Variants in CDH13 observed in about 807,000 individuals in gnomAD.
CDH13 encodes cadherin-13.
Under a neutral mutation model 63.8 loss-of-function variants are expected in CDH13, and 24 were observed. The ratio of observed to expected loss-of-function variants is 0.38; its 90% CI spans 0.27 to 0.53. CDH13 has a LOEUF of 0.53. Ranked by LOEUF, CDH13 falls within the 20% of genes least tolerant of loss-of-function variation. CDH13 has a pLI of 0.85. For synonymous variants in CDH13, 503 were observed against 355.3 expected, an observed-to-expected ratio of 1.42 and a Z score of -4.67; for missense variants, 1,049 against 903.1, an observed-to-expected ratio of 1.16 and a Z score of -2.07.
chr16:83,603,566 C>T (rs1289981785), intron 8 of CDH13, among the ~76,000 whole-genome samples: 1 of 152,164 alleles, frequency 6.6e-6, no homozygotes, highest in Non-Finnish European at 1.5e-5. Flanking sequence ...AACTGTGATG[C>T]TGTGCTTTCC....
At chr16:83,535,055 C>T (rs908429898) in intron 7 of CDH13, among the ~76,000 whole-genome samples, 1 of 152,136 alleles carries the variant, frequency 6.6e-6, no homozygotes. Context: ...ACTCACAGGT[C>T]CTGGGAATTA....
chr16:82,986,088 A>C (rs1289733464), intron 2 of CDH13, among the ~76,000 whole-genome samples: 2 of 152,238 alleles, frequency 1.3e-5, no homozygotes, highest in African/African-American at 4.8e-5. Context: ...TGACGTAAGA[A>C]TGGACTAATA....
At chr16:82,691,371 T>G (rs757230569) in intron 1 of CDH13, among the ~76,000 whole-genome samples, 5 of 152,170 alleles carry the variant, frequency 3.3e-5, no homozygotes, top group Admixed American at 6.5e-5. Context: ...CAGGTGGGAC[T>G]TGATGCAAAA....
chr16:82,848,855 A>C (rs2039370279), intron 1 of CDH13, among the ~76,000 whole-genome samples: 1 of 152,210 alleles, frequency 6.6e-6, no homozygotes, highest in East Asian at 1.9e-4. Flanking sequence ...TAAGTGAGGA[A>C]GGCATGTCAA....
chr16:83,423,602 C>A (rs911959293), intron 6 of CDH13, among the ~76,000 whole-genome samples: 3 of 152,124 alleles, frequency 2.0e-5, no homozygotes, highest in Non-Finnish European at 4.4e-5. Context: ...CCTAGGCACA[C>A]CTAAATGAAT....
chr16:82,787,264 C>G (rs144411439), intron 1 of CDH13, among the ~76,000 whole-genome samples: 99 of 152,236 alleles, frequency 6.5e-4, no homozygotes, highest in African/African-American at 2.2e-3. Flanking sequence ...ATGTATACAG[C>G]TGAGCATGGC....
chr16:83,059,074 C>A lies in CDH13; in HGVS notation c.366+26856C>A, dbSNP rs1166729507. Among the ~76,000 whole-genome samples the A allele has an allele frequency of 3.9e-5, 6 of 151,972 alleles. No individual in the cohort carries two copies. In the East Asian group the frequency reaches 1.2e-3, roughly 29 times the overall value. ...CAGGAACTTGATCTGAGAGGTGGTCCCAGGAAGCAGAAGTGAGTTCATGGG... is the reference window on the plus strand; with the variant it reads ...CAGGAACTTGATCTGAGAGGTGGTCACAGGAAGCAGAAGTGAGTTCATGGG... On this transcript the variant is annotated intron_variant, in intron 3 of 13. Transcript: ENST00000567109.
chr16:82,688,992 A>G (rs1272040952), intron 1 of CDH13: 1 of 152,284 alleles, frequency 6.6e-6, no homozygotes, highest in East Asian at 1.9e-4. Flanking sequence ...GGGCACCTGG[A>G]CTTTGATCTT....
At chr16:83,663,012 T>C (rs561137925) in intron 8 of CDH13, among the ~76,000 whole-genome samples, 2 of 152,220 alleles carry the variant, frequency 1.3e-5, no homozygotes, top group Non-Finnish European at 2.9e-5. Context: ...TTCTTTTGCT[T>C]CTCCATGCAT....
At chr16:83,217,028 T>C (rs973117122) in intron 4 of CDH13, among the ~76,000 whole-genome samples, 1 of 152,162 alleles carries the variant, frequency 6.6e-6, no homozygotes, top group South Asian at 2.1e-4. Context: ...GAAAAAAATA[T>C]ATTTCGTGGA....
At chr16:83,397,056 G>A (rs79669067) in intron 6 of CDH13, among the ~76,000 whole-genome samples, 8 of 151,948 alleles carry the variant, frequency 5.3e-5, no homozygotes, top group Admixed American at 4.6e-4. Context: ...CTATGTCCTC[G>A]CTCTGGCCCT....
chr16:83,031,407 T>C (rs1289426224), intron 2 of CDH13, among the ~76,000 whole-genome samples: 16 of 147,944 alleles, frequency 1.1e-4, no homozygotes, highest in African/African-American at 2.3e-4. Flanking sequence ...TATACATGTA[T>C]ATGTATACAC....
At chr16:82,851,834 T>C (rs1235391063) in intron 1 of CDH13, among the ~76,000 whole-genome samples, 1 of 152,198 alleles carries the variant, frequency 6.6e-6, no homozygotes, top group Non-Finnish European at 1.5e-5. Context: ...ACTGCTGCGA[T>C]ATTTTTACAT....
chr16:83,136,526 G>A (rs926693908), intron 4 of CDH13, among the ~76,000 whole-genome samples: 7 of 151,674 alleles, frequency 4.6e-5, no homozygotes, highest in African/African-American at 1.7e-4. Flanking sequence ...CTTCACTAGA[G>A]GAAGGAGAAA....
At chr16:83,248,075 C>G (rs961595534) in intron 5 of CDH13, among the ~76,000 whole-genome samples, 1 of 152,092 alleles carries the variant, frequency 6.6e-6, no homozygotes, top group Non-Finnish European at 1.5e-5. Flanking sequence ...TTCTGAGGGT[C>G]CCTCCTGATC....
intron 1 of CDH13, among the ~76,000 whole-genome samples, chr16:82,742,659 A>G (rs191649838): frequency 5.3e-5 from 8 of 152,320 alleles, no homozygotes; most frequent in African/African-American, 1.7e-4. Flanking sequence ...AGTAACTGCA[A>G]TGAGGACTAT....
chr16:83,495,826 A>C (rs1220634732), intron 7 of CDH13, among the ~76,000 whole-genome samples: 1 of 152,140 alleles, frequency 6.6e-6, no homozygotes, highest in Non-Finnish European at 1.5e-5. Context: ...AAAAGGTCAG[A>C]GTTTAGTCCT....
At chr16:83,061,766 C>A (rs758771481) in intron 3 of CDH13, among the ~76,000 whole-genome samples, 2 of 152,178 alleles carry the variant, frequency 1.3e-5, no homozygotes, top group African/African-American at 4.8e-5. Context: ...AGAAGCCTCA[C>A]CCCAGATACG....
At chr16:83,705,427 C>G (rs1300862921) in intron 10 of CDH13, among the ~76,000 whole-genome samples, 1 of 152,006 alleles carries the variant, frequency 6.6e-6, no homozygotes, top group Admixed American at 6.6e-5. Context: ...TGGAGACCAT[C>G]CTGGCTAACA....
Sources: allele counts gnomAD v4.1 joint callset (sites outside exome capture counted in the v4.1 genomes callset), GRCh38; gene constraint gnomAD v4.1.1; transcripts MANE v1.5; gene names NCBI Gene and HGNC (gene_info 2026-07-23, HGNC 2026-07-21).